Variants in HIPK3 observed in about 807,000 individuals in gnomAD.
HIPK3 encodes the protein homeodomain-interacting protein kinase 3.
A neutral mutation model predicts 124.2 loss-of-function variants in HIPK3; 47 were observed. The ratio of observed to expected loss-of-function variants is 0.38; its 90% confidence interval spans 0.30 to 0.48. The LOEUF is 0.48. Among genes scored for constraint, HIPK3 ranks in the 20% least tolerant of loss-of-function variants. HIPK3 has a pLI of 0.98. For missense variants in HIPK3, 1,286 were observed against 1,454.3 expected (o/e 0.88, Z 1.88); for synonymous variants, 482 against 515.2 (o/e 0.94, Z 0.87).
chr11:33,263,874 C>CA (rs992670746), intron 1 of HIPK3, among the ~76,000 whole-genome samples: 6 of 151,222 alleles, frequency 4.0e-5, no homozygotes, highest in South Asian at 2.1e-4. Context: ...ACAATTAAAA[C>CA]AAAAAAAAGT....
intron 2 of HIPK3, among the ~76,000 whole-genome samples, chr11:33,298,291 A>G (rs1195233214): frequency 1.3e-5 from 2 of 152,218 alleles, no homozygotes; most frequent in Non-Finnish European, 2.9e-5. Flanking sequence ...GAATATTTTA[A>G]GCATGCTGTT....
chr11:33,317,859 G>A (rs1852551667), intron 2 of HIPK3, among the ~76,000 whole-genome samples: 1 of 152,154 alleles, frequency 6.6e-6, no homozygotes, highest in Non-Finnish European at 1.5e-5. Context: ...CTACTGACTA[G>A]TAGATGGTCA....
intron 3 of HIPK3, 98 bp from the exon 4 acceptor site, chr11:33,336,973 CTATG>C (rs1354488731): frequency 4.1e-6 from 3 of 736,860 alleles, no homozygotes; most frequent in Non-Finnish European, 6.6e-6. Flanking sequence ...AGGGCATAGA[CTATG>C]TATTTTCATA....
At chr11:33,261,180 A>C (rs1590332484) in intron 1 of HIPK3, among the ~76,000 whole-genome samples, 1 of 147,034 alleles carries the variant, frequency 6.8e-6, no homozygotes, top group South Asian at 2.1e-4. Context: ...ATTATATAAA[A>C]TATATATTAT....
intron 7 of HIPK3, 146 bp from the exon 8 acceptor site, chr11:33,341,417 A>T (rs1367326758): frequency 2.2e-6 from 2 of 908,620 alleles, no homozygotes; most frequent in African/African-American, 1.7e-5. Flanking sequence ...TTTAAATTTT[A>T]ATTTCGGCAG....
At chr11:33,319,574 T>A (rs1852604521) in intron 2 of HIPK3, among the ~76,000 whole-genome samples, 1 of 152,150 alleles carries the variant, frequency 6.6e-6, no homozygotes, top group African/African-American at 2.4e-5. Context: ...TTTGTAGTGA[T>A]AAAACAGTTG....
chr11:33,303,218 C>T (rs1852055541), intron 2 of HIPK3, among the ~76,000 whole-genome samples: 1 of 152,138 alleles, frequency 6.6e-6, no homozygotes, highest in Non-Finnish European at 1.5e-5. Flanking sequence ...CTATGCACTG[C>T]CTCCTGTATA....
chr11:33,258,694 T>C lies in HIPK3; in HGVS notation c.-3+805T>C, dbSNP rs1189367131. The C allele has an allele frequency of 6.1e-6, 6 of 985,254 alleles. No homozygotes were observed. The South Asian group carries it at 2.3e-4, about 39-fold the overall frequency. The allele number at this position is 985,254 out of a possible 1,614,324, so 61.0% of individuals were successfully genotyped here. A position where few individuals can be genotyped will look rare whatever the true frequency, so the allele number is the denominator to read the frequency against. Reference sequence around the variant, plus strand: ...GGGAGACGGCTGTTGTAAAATGGTATGTGGCTCTCGGGGAATCCTGTTGTT... The same window carrying C: ...GGGAGACGGCTGTTGTAAAATGGTACGTGGCTCTCGGGGAATCCTGTTGTT... On this transcript the variant is annotated intron_variant, in intron 1 of 16. Transcript: ENST00000303296.
At position 33,351,761 on chromosome 11, in the gene HIPK3, C is replaced by G; in HGVS notation, c.2961C>G (p.Thr987=). The change falls in exon 15 of 17, where the codon ACC becomes ACG. Residue 987 remains threonine (T), a synonymous_variant. Transcript: ENST00000303296. ...TELVSSADTE[T]KPAVCSVVVP... ...TGGTATCCTCTGCTGACACAGAAAC[C>G]AAGCCAGCTGTCTGTTCTGTTGTGG... 1 of 1,614,166 alleles carries G rather than the reference C, an allele frequency of 6.2e-7. No individual in the cohort carries two copies. The highest frequency in any genetic ancestry group is 8.5e-7 in the Non-Finnish European group (1 of 1,180,014).
At chr11:33,320,948 G>A (rs1283215219) in intron 2 of HIPK3, among the ~76,000 whole-genome samples, 2 of 152,162 alleles carry the variant, frequency 1.3e-5, no homozygotes, top group Non-Finnish European at 2.9e-5. Context: ...TAAGAATAGA[G>A]GTGCTTATTT....
At chr11:33,291,170 ATTTG>A (rs1347775898) in intron 2 of HIPK3, among the ~76,000 whole-genome samples, 2 of 152,130 alleles carry the variant, frequency 1.3e-5, no homozygotes, top group Non-Finnish European at 2.9e-5. Context: ...CTGTTTAAGT[ATTTG>A]TTTGTACTTT....
rs538307231 is a variant in HIPK3 at position 33,290,529 on chromosome 11, A to G, written c.1097+3018A>G. 4.7e-4 allele frequency among the ~76,000 whole-genome samples: 71 copies of G among 151,826 alleles called. 1 individual carries two copies. The highest frequency in any genetic ancestry group is 1.2e-3 in the Admixed American group (19 of 15,242). On this transcript the variant is annotated intron_variant, in intron 2 of 16. Coordinates refer to ENST00000303296, the MANE Select transcript of HIPK3 (RefSeq NM_005734.5). ...GCTGCTTGGGCCCTATATTTAGTTC[A>G]CTTGCTAGTAAATGACTTCACTTCA...
At chr11:33,273,679 A>G (rs1228601387) in intron 1 of HIPK3, among the ~76,000 whole-genome samples, 2 of 152,174 alleles carry the variant, frequency 1.3e-5, no homozygotes, top group South Asian at 2.1e-4. Context: ...AGTATAAGGC[A>G]TATTAGGACC....
intron 2 of HIPK3, among the ~76,000 whole-genome samples, chr11:33,301,160 T>TGGAA (rs1418912369): frequency 1.3e-5 from 2 of 152,210 alleles, no homozygotes; most frequent in Non-Finnish European, 2.9e-5. Context: ...CCACAATATG[T>TGGAA]TACTTATTTG....
chr11:33,301,107 T>G (rs189226318), intron 2 of HIPK3, among the ~76,000 whole-genome samples: 4 of 152,356 alleles, frequency 2.6e-5, no homozygotes, highest in Non-Finnish European at 4.4e-5. Context: ...TTCTTTCTTA[T>G]GTGTAATCCC....
chr11:33,337,964 G>C (rs952944654), intron 4 of HIPK3, among the ~76,000 whole-genome samples: 1 of 152,210 alleles, frequency 6.6e-6, no homozygotes. Context: ...GAGCCACTGT[G>C]CCCAGCCCCC....
At chr11:33,330,606 C>T (rs893070148) in intron 3 of HIPK3, among the ~76,000 whole-genome samples, 8 of 152,146 alleles carry the variant, frequency 5.3e-5, no homozygotes, top group African/African-American at 2.4e-5. Flanking sequence ...GGATTACAGG[C>T]GTGAGCCACT....
Position 33,352,241 on chromosome 11 carries a change from G to C in HIPK3, c.3147G>C (p.Gln1049His). The change falls in exon 16 of 17, where the codon CAG becomes CAC. Residue 1049 changes from glutamine (Q) to histidine (H), a missense_variant. Around this residue, in one of 3 missense-constraint regions of HIPK3, gnomAD observed 810 missense variants for 864.9 expected, o/e 0.94. Coordinates refer to ENST00000303296, the MANE Select transcript of HIPK3 (RefSeq NM_005734.5). ...AGCAAAAATTGACATCAGCATTCCA[G>C]CAGCAGCATTTGAACTTCAGTCAGG... ...TRQQKLTSAFQQQHLNFSQVQ... is the reference protein window; with the variant it reads ...TRQQKLTSAFHQQHLNFSQVQ... The C allele has an allele frequency of 6.2e-7, 1 of 1,613,984 alleles. No homozygotes were observed.
intron 1 of HIPK3, among the ~76,000 whole-genome samples, chr11:33,280,840 G>A (rs1371744935): frequency 2.6e-5 from 4 of 152,182 alleles, no homozygotes; most frequent in African/African-American, 9.6e-5. Context: ...TGATTCCCTG[G>A]CACTTCATCC....
Sources: allele counts gnomAD v4.1 joint callset (sites outside exome capture counted in the v4.1 genomes callset), GRCh38; gene constraint gnomAD v4.1.1; regional missense constraint gnomAD v4.1.1; transcripts MANE v1.5; gene names NCBI Gene and HGNC (gene_info 2026-07-23, HGNC 2026-07-21).